Variants in DPYS observed in about 807,000 individuals in gnomAD.
DPYS encodes dihydropyrimidinase, also known as dihydropyrimidine amidohydrolase.
In DPYS, 39 loss-of-function variants were observed where a neutral mutation model predicts 50.3. That is an observed-to-expected ratio of 0.78 (90% CI 0.60 to 1.01). The LOEUF (loss-of-function observed/expected upper bound fraction) is 1.01. DPYS is among the 50% of genes least tolerant of loss of function. The pLI is 0.00. For missense variants in DPYS, 659 were observed against 680.9 expected (o/e 0.97, Z 0.36); for synonymous variants, 245 against 250.7 (o/e 0.98, Z 0.22).
chr8:104,418,427 A>C (rs995497975), intron 7 of DPYS, among the ~76,000 whole-genome samples: 1 of 152,200 alleles, frequency 6.6e-6, no homozygotes, highest in Non-Finnish European at 1.5e-5. Context: ...CCTTCATTGC[A>C]AGAAGAAAAA....
At chr8:104,461,578 C>T (rs1814171673) in intron 1 of DPYS, among the ~76,000 whole-genome samples, 1 of 152,080 alleles carries the variant, frequency 6.6e-6, no homozygotes, top group Non-Finnish European at 1.5e-5. Flanking sequence ...CACTGGAGAT[C>T]ACCAAAATGT....
At position 104,444,321 on chromosome 8, in the gene DPYS, C is replaced by T; in HGVS notation, c.720G>A (p.Val240=). The part of the protein sequence containing the change: ...TLRAITIASA[V]NCPLYIVHVM... ...CATGCACAATGTAGAGAGGACAGTTCACAGCGCTGGCTATGGTGATGGCTC... is the reference window on the plus strand; with the variant it reads ...CATGCACAATGTAGAGAGGACAGTTTACAGCGCTGGCTATGGTGATGGCTC... The change falls in exon 4 of 10, where the codon GTG becomes GTA. Residue 240 remains valine (V), a synonymous_variant. Transcript: ENST00000351513. 1.2e-6 allele frequency: 2 copies of T among 1,614,236 alleles called. No individual in the cohort carries two copies. Among genetic ancestry groups the T allele is most frequent in the South Asian group, 2.2e-5 (2 of 91,082 alleles).
At chr8:104,420,140 C>T (rs1394237054) in intron 7 of DPYS, 2 of 152,130 alleles carry the variant, frequency 1.3e-5, no homozygotes, top group South Asian at 2.1e-4. Flanking sequence ...CAGTAGAACT[C>T]GGGCTGCAAG....
chr8:104,399,473 T>C (rs1811715404), intron 7 of DPYS, among the ~76,000 whole-genome samples: 1 of 152,058 alleles, frequency 6.6e-6, no homozygotes, highest in Non-Finnish European at 1.5e-5. Flanking sequence ...CCCCACACAC[T>C]ATCCCATCCT....
At chr8:104,442,776 T>A (rs1342204299) in intron 4 of DPYS, among the ~76,000 whole-genome samples, 5 of 152,214 alleles carry the variant, frequency 3.3e-5, no homozygotes, top group Non-Finnish European at 7.3e-5. Context: ...ATTATATACA[T>A]GCCAAAACCA....
chr8:104,383,438 C>T (rs1211346783), intron 8 of DPYS, among the ~76,000 whole-genome samples: 1 of 152,126 alleles, frequency 6.6e-6, no homozygotes, highest in Admixed American at 6.5e-5. Context: ...TCATAACAAG[C>T]ACTCAATAGA....
In DPYS at chr8:104,466,900, G is replaced by A. The variant is rs755857356; in HGVS notation, c.21C>T (p.Leu7=). 1.7e-5 allele frequency: 25 copies of A among 1,504,332 alleles called. No individual in the cohort carries two copies. The Middle Eastern group carries it at 1.0e-3, about 62-fold the overall frequency. 93.2% of individuals were successfully genotyped at this position (1,504,332 alleles called of 1,614,324 possible). Residue 7 remains leucine (L), a synonymous_variant, in exon 1 of 10, where the codon CTC becomes CTT. Coordinates refer to ENST00000351513, the MANE Select transcript of DPYS (RefSeq NM_001385.3). ...TGACCACGCGACCCCCGCGGATCAG[G>A]AGCCGCGAGGGCGCCGCCATAGCGA... is the stretch of plus-strand genomic sequence containing the variant. MAAPSR[L]LIRGGRVVND...
chr8:104,427,958 G>A lies in DPYS; in HGVS notation c.1092+22C>T, dbSNP rs778035827. 6 of 1,613,620 alleles carry A rather than the reference G, an allele frequency of 3.7e-6. No homozygotes were observed. In the South Asian group the frequency reaches 5.5e-5, roughly 15 times the overall value. On this transcript the variant is annotated intron_variant, in intron 6 of 9. Coordinates refer to ENST00000351513, the MANE Select transcript of DPYS (RefSeq NM_001385.3). ...CTGGCTGAAGAACTAGGCAAAGCAA[G>A]GCTGGAACCTGTGAAACCCACCACG...
At chr8:104,433,030 GA>G (rs1813006775) in intron 4 of DPYS, among the ~76,000 whole-genome samples, 1 of 152,170 alleles carries the variant, frequency 6.6e-6, no homozygotes, top group Non-Finnish European at 1.5e-5. Flanking sequence ...CTTATACGAA[GA>G]GGAAATTTGG....
At chr8:104,431,104 G>T (rs750389545) in intron 4 of DPYS, among the ~76,000 whole-genome samples, 7 of 152,178 alleles carry the variant, frequency 4.6e-5, no homozygotes, top group Non-Finnish European at 1.0e-4. Flanking sequence ...AAAACTCAGA[G>T]ACTTGATCTG....
intron 9 of DPYS, 198 bp downstream of exon 9, chr8:104,380,986 T>C (rs1811011657): frequency 3.7e-6 from 2 of 540,888 alleles, no homozygotes; most frequent in East Asian, 3.3e-5. Flanking sequence ...AATGACTCTC[T>C]AGCAAGCCCA....
At chr8:104,400,931 C>T (rs916503460) in intron 7 of DPYS, among the ~76,000 whole-genome samples, 4 of 152,228 alleles carry the variant, frequency 2.6e-5, no homozygotes, top group African/African-American at 9.6e-5. Context: ...CGTGCTCTTA[C>T]AGATGAGAAA....
intron 8 of DPYS, among the ~76,000 whole-genome samples, chr8:104,390,685 G>A (rs1811359320): frequency 6.6e-6 from 1 of 152,068 alleles, no homozygotes; most frequent in Admixed American, 6.6e-5. Flanking sequence ...TTTTAGTAGA[G>A]ATGGGGTTTT....
intron 7 of DPYS, among the ~76,000 whole-genome samples, chr8:104,402,432 A>G (rs1017451850): frequency 9.8e-5 from 15 of 152,342 alleles, no homozygotes; most frequent in African/African-American, 3.4e-4. Flanking sequence ...TATTAAACAG[A>G]TAAGTACTTA....
chr8:104,382,114 C>T (rs1467540332), intron 8 of DPYS, among the ~76,000 whole-genome samples: 1 of 152,126 alleles, frequency 6.6e-6, no homozygotes, highest in African/African-American at 2.4e-5. Flanking sequence ...GGAGAATTTC[C>T]AGAGCCAAAG....
At chr8:104,388,562 G>T in intron 8 of DPYS, among the ~76,000 whole-genome samples, 1 of 152,090 alleles carries the variant, frequency 6.6e-6, no homozygotes, top group East Asian at 1.9e-4. Context: ...GAACATCCAA[G>T]TTGCTCTTAC....
intron 4 of DPYS, among the ~76,000 whole-genome samples, chr8:104,430,143 G>A (rs1013859932): frequency 6.6e-6 from 1 of 152,064 alleles, no homozygotes; most frequent in Admixed American, 6.5e-5. Context: ...TGACTCCAGT[G>A]GTTCTAACTT....
In DPYS at chr8:104,445,725, A is replaced by G. The variant is rs148566114; in HGVS notation, c.604-1288T>C. 2.2e-3 allele frequency among the ~76,000 whole-genome samples: 331 copies of G among 152,254 alleles called. 1 individual carries two copies. Among genetic ancestry groups the G allele is most frequent in the African/African-American group, 7.6e-3 (316 of 41,550 alleles). The stretch of plus-strand genomic sequence containing the variant: ...GAATGAATAAGATCTAGTACTTGAT[A>G]GCACAACAGGGGCACTATAGTCAAT... On this transcript the variant is annotated intron_variant, in intron 3 of 9. Coordinates refer to ENST00000351513, the MANE Select transcript of DPYS (RefSeq NM_001385.3).
At chr8:104,381,430 C>T (rs1248126533) in intron 8 of DPYS, 116 bp from the exon 9 acceptor site, 8 of 931,350 alleles carry the variant, frequency 8.6e-6, no homozygotes, top group Middle Eastern at 2.8e-4. Context: ...AAATTTATCA[C>T]GTGCCTCCCC....
Sources: allele counts gnomAD v4.1 joint callset (sites outside exome capture counted in the v4.1 genomes callset), GRCh38; gene constraint gnomAD v4.1.1; transcripts MANE v1.5; gene names NCBI Gene and HGNC (gene_info 2026-07-23, HGNC 2026-07-21).